WBP2NL: variants seen among roughly 807,000 people sequenced by gnomAD.
The protein encoded by WBP2NL is postacrosomal sheath WW domain-binding protein.
A neutral mutation model predicts 23.3 loss-of-function variants in WBP2NL; 27 were observed. The observed-to-expected ratio is 1.16, with a 90% CI of 0.85 to 1.60. WBP2NL has a LOEUF of 1.60. Ranked by LOEUF, WBP2NL falls within the 40% of genes most tolerant of loss-of-function variation. WBP2NL has a pLI of 0.00. For synonymous variants in WBP2NL, 151 were observed against 145.9 expected, an observed-to-expected ratio of 1.03 and a Z score of -0.25; for missense variants, 370 against 389.5, an observed-to-expected ratio of 0.95 and a Z score of 0.42.
intron 1 of WBP2NL, among the ~76,000 whole-genome samples, chr22:42,009,017 G>T (rs1235859020): frequency 6.6e-6 from 1 of 151,984 alleles, no homozygotes; most frequent in African/African-American, 2.4e-5. Context: ...CTGATCTTGT[G>T]ATCCACCCGC....
At chr22:42,009,861 G>C (rs1266567900) in intron 1 of WBP2NL, among the ~76,000 whole-genome samples, 2 of 152,120 alleles carry the variant, frequency 1.3e-5, no homozygotes, top group Admixed American at 6.6e-5. Context: ...GTTGAGATTT[G>C]GTAGGGATTG....
At chr22:42,014,988 A>C (rs1314851341) in intron 1 of WBP2NL, among the ~76,000 whole-genome samples, 1 of 152,244 alleles carries the variant, frequency 6.6e-6, no homozygotes, top group Admixed American at 6.5e-5. Flanking sequence ...GTTTTTATTA[A>C]TTTATTTTGT....
intron 8 of WBP2NL, among the ~76,000 whole-genome samples, chr22:42,056,192 T>C (rs1926021266): frequency 6.6e-6 from 1 of 152,212 alleles, no homozygotes; most frequent in Non-Finnish European, 1.5e-5. Flanking sequence ...TAAAGTTTTT[T>C]TGTGGTTGCC....
At chr22:42,001,891 C>T in intron 1 of WBP2NL, 7 of 1,472,844 alleles carry the variant, frequency 4.8e-6, no homozygotes, top group Non-Finnish European at 6.3e-6. Flanking sequence ...ATGGGTGCTA[C>T]CGCCATCTTG....
chr22:42,025,700 C>T (rs1247694995), intron 5 of WBP2NL, among the ~76,000 whole-genome samples: 3 of 152,182 alleles, frequency 2.0e-5, no homozygotes. Context: ...GCCAGTAAAA[C>T]ACTGTCTTGA....
At chr22:42,052,499 C>G (rs1033924354) in intron 8 of WBP2NL, among the ~76,000 whole-genome samples, 1 of 152,018 alleles carries the variant, frequency 6.6e-6, no homozygotes, top group Non-Finnish European at 1.5e-5. Flanking sequence ...AGGCTGGTCT[C>G]GAACTCCTGA....
At chr22:42,033,384 G>A (rs61708402), downstream of WBP2NL, among the ~76,000 whole-genome samples, 1,248 of 152,324 alleles carry the variant, frequency 8.2e-3, 10 homozygotes, top group African/African-American at 0.029. Context: ...CCAAAGGGCT[G>A]CAGCTCTTCT....
At chr22:42,018,279 C>T (rs371599645) in intron 1 of WBP2NL, among the ~76,000 whole-genome samples, 21 of 141,688 alleles carry the variant, frequency 1.5e-4, no homozygotes, top group African/African-American at 5.6e-4. Context: ...TGCCACTGCA[C>T]TCCAGCCTGG....
rs904043456 is a variant in WBP2NL at position 42,006,252 on chromosome 22, G to A, written c.62+7372G>A. On this transcript the variant is annotated intron_variant, in intron 1 of 5. Transcript: ENST00000328823. The stretch of plus-strand genomic sequence containing the variant: ...TTTTTTTTTTTCGAGACGGAGTCTC[G>A]CTCTGTCACCCAGGCTGGAGTGCAG... Among the ~76,000 whole-genome samples the A allele has an allele frequency of 6.7e-4, 96 of 144,192 alleles. 1 individual carries two copies. The highest frequency in any genetic ancestry group is 1.3e-3 in the Admixed American group (18 of 13,888). The allele number at this position is 144,192 out of a possible 152,430, so 94.6% of individuals were successfully genotyped here.
chr22:42,047,509 G>C (rs1159338328), intron 8 of WBP2NL, among the ~76,000 whole-genome samples: 9 of 151,222 alleles, frequency 6.0e-5, no homozygotes, highest in Non-Finnish European at 2.9e-5. Context: ...AGAATCGCTT[G>C]AACCTGGGCG....
At chr22:42,045,422 T>C (rs549050050) in intron 8 of WBP2NL, among the ~76,000 whole-genome samples, 4 of 152,098 alleles carry the variant, frequency 2.6e-5, no homozygotes, top group Non-Finnish European at 5.9e-5. Context: ...AGAGCGAGAC[T>C]GTCTCAAAAA....
At chr22:42,030,757 C>G (rs910617137), downstream of WBP2NL, 3 of 152,268 alleles carry the variant, frequency 2.0e-5, no homozygotes, top group African/African-American at 7.2e-5. Context: ...AGAGGAGAGA[C>G]TCAACCAACT....
At chr22:42,018,949 G>A (rs1923606180) in intron 1 of WBP2NL, among the ~76,000 whole-genome samples, 2 of 151,172 alleles carry the variant, frequency 1.3e-5, no homozygotes, top group Admixed American at 1.3e-4. Context: ...TAAGGGCCGG[G>A]CACGGTGGCA....
chr22:42,045,372 C>T (rs1489039294), intron 8 of WBP2NL, among the ~76,000 whole-genome samples: 3 of 152,092 alleles, frequency 2.0e-5, no homozygotes, highest in East Asian at 1.9e-4. Context: ...ACCCAGGAGG[C>T]GGAGCTTGCA....
In WBP2NL at chr22:42,019,655, T is replaced by C; in HGVS notation, c.172-7T>C. 2 of 1,613,970 alleles carry C rather than the reference T, an allele frequency of 1.2e-6. No homozygotes were observed. The highest frequency in any genetic ancestry group is 1.3e-5 in the African/African-American group (1 of 75,056). ...ATTCCTTTTCCAAAGTTTCTGTCCTTGCGTAGGTGATTTTCATAACTTCAT... is the reference window on the plus strand; with the variant it reads ...ATTCCTTTTCCAAAGTTTCTGTCCTCGCGTAGGTGATTTTCATAACTTCAT... On this transcript the variant is annotated splice_region_variant and splice_polypyrimidine_tract_variant and intron_variant, in intron 2 of 5. Coordinates refer to ENST00000328823, the MANE Select transcript of WBP2NL (RefSeq NM_152613.3).
intron 1 of WBP2NL, chr22:42,001,200 C>G (rs570462566): frequency 1.3e-6 from 1 of 745,160 alleles, no homozygotes; most frequent in Non-Finnish European, 2.5e-6. Context: ...CTCCAGCAGT[C>G]AAATGTGCCT....
intron 1 of WBP2NL, among the ~76,000 whole-genome samples, chr22:42,013,386 CAAAA>C (rs879371078): frequency 3.6e-5 from 3 of 84,444 alleles, no homozygotes; most frequent in African/African-American, 1.3e-4. Context: ...AACTCCATCT[CAAAA>C]AAAAAAAAAA....
At chr22:42,002,602 G>A (rs133309) in intron 1 of WBP2NL, 146,360 of 152,302 alleles carry the variant, frequency 0.96, 70,386 homozygotes, top group East Asian at 1. Flanking sequence ...ACAAAACAAA[G>A]TAAAAAAACT....
At chr22:42,014,855 CTTTG>C (rs1335708293) in intron 1 of WBP2NL, among the ~76,000 whole-genome samples, 2 of 152,248 alleles carry the variant, frequency 1.3e-5, no homozygotes, top group East Asian at 1.9e-4. Context: ...CTTCCTGAGA[CTTTG>C]TTTGTATTCT....
Sources: allele counts gnomAD v4.1 joint callset (sites outside exome capture counted in the v4.1 genomes callset), GRCh38; gene constraint gnomAD v4.1.1; transcripts MANE v1.5; gene names NCBI Gene and HGNC (gene_info 2026-07-23, HGNC 2026-07-21).